The following SPOCK1 variants were observed in gnomAD, a reference collection of about 807,000 sequenced individuals.
SPOCK1 encodes the protein SPARC (osteonectin), cwcv and kazal like domains proteoglycan 1.
SPOCK1 carries 23 observed loss-of-function variants against 55.3 expected under a neutral mutation model. The ratio of observed to expected loss-of-function variants is 0.42; its 90% CI spans 0.30 to 0.59. The LOEUF (loss-of-function observed/expected upper bound fraction) is 0.59. Ranked by LOEUF, SPOCK1 falls within the 20% of genes least tolerant of loss-of-function variation. SPOCK1 has a pLI of 0.22. For missense variants in SPOCK1, 499 were observed against 552.5 expected (o/e 0.90, Z 0.97); for synonymous variants, 226 against 221.0 (o/e 1.02, Z -0.20).
At chr5:137,158,512 G>T (rs1399295711) in intron 3 of SPOCK1, among the ~76,000 whole-genome samples, 1 of 152,170 alleles carries the variant, frequency 6.6e-6, no homozygotes, top group African/African-American at 2.4e-5. Context: ...TTGAAATGCA[G>T]CCAACACCTG....
intron 2 of SPOCK1, among the ~76,000 whole-genome samples, chr5:137,424,437 C>CT (rs1472304445): frequency 6.6e-6 from 1 of 152,198 alleles, no homozygotes; most frequent in African/African-American, 2.4e-5. Context: ...TCTGAACACT[C>CT]TATTTTGTTC....
intron 2 of SPOCK1, among the ~76,000 whole-genome samples, chr5:137,306,479 T>C (rs1032891687): frequency 6.6e-6 from 1 of 152,174 alleles, no homozygotes; most frequent in Non-Finnish European, 1.5e-5. Flanking sequence ...GACATCTGTG[T>C]AGGAAGTTGT....
intron 2 of SPOCK1, among the ~76,000 whole-genome samples, chr5:137,290,962 T>C (rs1757359430): frequency 1.3e-5 from 2 of 152,230 alleles, no homozygotes; most frequent in African/African-American, 4.8e-5. Flanking sequence ...AACATCTCAA[T>C]TGATGTAATC....
chr5:137,109,693 A>C (rs1218046487), intron 5 of SPOCK1, among the ~76,000 whole-genome samples: 1 of 152,018 alleles, frequency 6.6e-6, no homozygotes, highest in Non-Finnish European at 1.5e-5. Flanking sequence ...GGGCATCCTC[A>C]TGGTTCTTCA....
intron 2 of SPOCK1, among the ~76,000 whole-genome samples, chr5:137,420,711 T>G (rs1445895462): frequency 6.6e-6 from 1 of 152,146 alleles, no homozygotes; most frequent in Non-Finnish European, 1.5e-5. Flanking sequence ...GTCTTGCTAG[T>G]GGTCTATCAA....
At chr5:137,273,626 T>A (rs565245046) in intron 2 of SPOCK1, among the ~76,000 whole-genome samples, 1 of 152,308 alleles carries the variant, frequency 6.6e-6, no homozygotes, top group African/African-American at 2.4e-5. Flanking sequence ...TGGGATGAAA[T>A]CTGAGTGTGG....
rs1342581183 is a variant in SPOCK1, at chr5:137,036,238, ACT to A, written c.589+31475_589+31476del. On this transcript the variant is annotated intron_variant, in intron 6 of 10. Coordinates refer to ENST00000394945, the MANE Select transcript of SPOCK1 (RefSeq NM_004598.4). ...CTAATTAACCCTTATCCATCTAGTA[ACT>A]CTGAGCAGGGAGGTTGATCACATAG... Among the ~76,000 whole-genome samples, 6 of 152,100 alleles carry A rather than the reference ACT, an allele frequency of 3.9e-5. No homozygotes were observed. The South Asian group carries it at 1.0e-3, about 26-fold the overall frequency.
intron 2 of SPOCK1, among the ~76,000 whole-genome samples, chr5:137,352,805 G>A (rs1413942923): frequency 6.6e-6 from 1 of 152,216 alleles, no homozygotes; most frequent in Non-Finnish European, 1.5e-5. Flanking sequence ...GTAAATGCTA[G>A]TGAAATAACT....
At chr5:137,011,103 C>A (rs1037272501) in intron 6 of SPOCK1, among the ~76,000 whole-genome samples, 3 of 152,092 alleles carry the variant, frequency 2.0e-5, no homozygotes, top group Non-Finnish European at 4.4e-5. Flanking sequence ...CAGCCAATAG[C>A]GCAGGCAGGA....
intron 2 of SPOCK1, among the ~76,000 whole-genome samples, chr5:137,356,846 G>GAGAGAGAGAGAGAGAGAGAGAGAGAGAC (rs1750826504): frequency 1.3e-5 from 1 of 75,986 alleles, no homozygotes; most frequent in Admixed American, 1.3e-4. Context: ...TATAGAGAGA[G>GAGAGAGAGAGAGAGAGAGAGAGAGAGAC]AGAGAGAGAG....
intron 4 of SPOCK1, among the ~76,000 whole-genome samples, chr5:137,118,138 AT>A (rs1753623232): frequency 6.6e-6 from 1 of 152,222 alleles, no homozygotes; most frequent in Non-Finnish European, 1.5e-5. Flanking sequence ...CCAGAATCAC[AT>A]GTTGATATTA....
chr5:137,198,133 G>C (rs947932125), intron 3 of SPOCK1, among the ~76,000 whole-genome samples: 1 of 151,998 alleles, frequency 6.6e-6, no homozygotes, highest in Admixed American at 6.5e-5. Flanking sequence ...TGTCATAATT[G>C]TTGTTTAAAA....
intron 5 of SPOCK1, among the ~76,000 whole-genome samples, chr5:137,107,042 G>A (rs781522051): frequency 2.6e-5 from 4 of 152,034 alleles, no homozygotes; most frequent in African/African-American, 2.4e-5. Context: ...CTGAACCATC[G>A]CTTCCCCAAG....
At chr5:137,035,791 T>C (rs1751874197) in intron 6 of SPOCK1, among the ~76,000 whole-genome samples, 1 of 152,218 alleles carries the variant, frequency 6.6e-6, no homozygotes, top group Non-Finnish European at 1.5e-5. Flanking sequence ...AGGAGACTAC[T>C]CAACTTGCCT....
At chr5:137,018,865 T>C (rs1751504844) in intron 6 of SPOCK1, among the ~76,000 whole-genome samples, 1 of 152,016 alleles carries the variant, frequency 6.6e-6, no homozygotes, top group Admixed American at 6.6e-5. Context: ...AAAGGCAGAG[T>C]CAATATTCTT....
chr5:137,466,061 A>C (rs1580942368), intron 2 of SPOCK1, among the ~76,000 whole-genome samples: 1 of 152,252 alleles, frequency 6.6e-6, no homozygotes. Flanking sequence ...TTAAATATTC[A>C]CAATGCCACA....
At chr5:137,428,104 C>T (rs561952454) in intron 2 of SPOCK1, among the ~76,000 whole-genome samples, 2 of 152,172 alleles carry the variant, frequency 1.3e-5, no homozygotes, top group South Asian at 4.1e-4. Context: ...CAAGCCATGA[C>T]CCAGCACAAG....
chr5:137,337,773 A>G (rs575272652), intron 2 of SPOCK1, among the ~76,000 whole-genome samples: 51 of 152,214 alleles, frequency 3.4e-4, no homozygotes, highest in Admixed American at 3.3e-4. Flanking sequence ...CCTCCTAAAC[A>G]AAGACGTTTT....
At chr5:137,320,543 G>A (rs1757962039) in intron 2 of SPOCK1, among the ~76,000 whole-genome samples, 1 of 152,168 alleles carries the variant, frequency 6.6e-6, no homozygotes, top group Non-Finnish European at 1.5e-5. Context: ...GAAAACTTTG[G>A]ATACCTGGGA....
Sources: gnomAD v4.1 joint callset for allele counts (sites outside exome capture counted in the v4.1 genomes callset) on GRCh38, gnomAD v4.1.1 for gene constraint, MANE v1.5 for transcripts, NCBI Gene and HGNC (gene_info 2026-07-23, HGNC 2026-07-21) for gene names.